The following ANKS1B variants were observed in gnomAD, a reference collection of about 807,000 sequenced individuals.
ANKS1B encodes the protein ankyrin repeat and sterile alpha motif domain containing 1B.
ANKS1B carries 36 observed loss-of-function variants against 148.3 expected under a neutral mutation model. The observed-to-expected ratio is 0.24, with a 90% confidence interval of 0.19 to 0.32. The LOEUF (loss-of-function observed/expected upper bound fraction) is 0.32. Among genes scored for constraint, ANKS1B ranks in the 10% least tolerant of loss-of-function variants. The pLI is 1.00. For synonymous variants in ANKS1B, 542 were observed against 560.8 expected, an observed-to-expected ratio of 0.97 and a Z score of 0.47; for missense variants, 1,157 against 1,542.6, an observed-to-expected ratio of 0.75 and a Z score of 4.19.
At position 99,052,542 on chromosome 12, in the gene ANKS1B, A is replaced by C. The variant is rs2099966817; in HGVS notation, c.2778+615T>G. 1.2e-4 allele frequency among the ~76,000 whole-genome samples: 18 copies of C among 148,046 alleles called. 2 individuals are homozygous for C. In the South Asian group the frequency reaches 4.3e-3, roughly 35 times the overall value. ...GGAGATCGAGACCATCCTGGCTAAC[A>C]AGGTGAAACCCCGTCTCTACTAAAA... On this transcript the variant is annotated intron_variant, in intron 17 of 26. Transcript: ENST00000683438.
chr12:99,420,417 A>G (rs1363030942), intron 11 of ANKS1B, among the ~76,000 whole-genome samples: 1 of 152,206 alleles, frequency 6.6e-6, no homozygotes, highest in African/African-American at 2.4e-5. Context: ...GAATAAATTT[A>G]AGATGGTGTG....
chr12:99,311,483 A>T (rs1463032739), intron 12 of ANKS1B, among the ~76,000 whole-genome samples: 2 of 152,192 alleles, frequency 1.3e-5, no homozygotes, highest in African/African-American at 2.4e-5. Flanking sequence ...CCTTCTGGGT[A>T]TGAAGAGAGA....
Position 99,612,277 on chromosome 12 carries a change from C to T in ANKS1B, c.1272+42790G>A, listed in dbSNP as rs80338261. Among the ~76,000 whole-genome samples, 545 of 152,204 alleles carry T rather than the reference C, an allele frequency of 3.6e-3. 5 individuals carry two copies. The highest frequency in any genetic ancestry group is 0.012 in the African/African-American group (513 of 41,540). The stretch of plus-strand genomic sequence containing the variant: ...AGTTTTTATTTGACATAGTGTCACA[C>T]AAAAGTGATCTATGATGTCTTCAAT... On this transcript the variant is annotated intron_variant, in intron 9 of 26. Transcript: ENST00000683438.
At chr12:98,741,647 C>T (rs1340818159), downstream of ANKS1B, among the ~76,000 whole-genome samples, 2 of 152,216 alleles carry the variant, frequency 1.3e-5, no homozygotes, top group African/African-American at 4.8e-5. Flanking sequence ...CTCAAACCCA[C>T]ACCCCAGAAA....
chr12:99,631,748 CT>C (rs2098163243), intron 9 of ANKS1B, among the ~76,000 whole-genome samples: 1 of 152,062 alleles, frequency 6.6e-6, no homozygotes, highest in South Asian at 2.1e-4. Flanking sequence ...TGCATGGTTA[CT>C]TTTGGCTGCT....
intron 17 of ANKS1B, among the ~76,000 whole-genome samples, chr12:98,877,610 C>G (rs1417394772): frequency 6.6e-6 from 1 of 152,158 alleles, no homozygotes; most frequent in Admixed American, 6.5e-5. Flanking sequence ...GGTTTACTGT[C>G]TCATTGTGTT....
At chr12:99,100,924 T>C (rs2057771479) in intron 15 of ANKS1B, among the ~76,000 whole-genome samples, 1 of 152,124 alleles carries the variant, frequency 6.6e-6, no homozygotes, top group Non-Finnish European at 1.5e-5. Context: ...GGAAAGACAT[T>C]TTGGGAAGCG....
At chr12:99,193,646 A>T (rs1004209693) in intron 14 of ANKS1B, among the ~76,000 whole-genome samples, 1 of 152,024 alleles carries the variant, frequency 6.6e-6, no homozygotes, top group South Asian at 2.1e-4. Context: ...TGGGTGAGGA[A>T]AAGATACTTC....
intron 17 of ANKS1B, among the ~76,000 whole-genome samples, chr12:98,933,625 G>A (rs2099815751): frequency 6.6e-6 from 1 of 151,908 alleles, no homozygotes. Flanking sequence ...CAACAGTGTG[G>A]AGCGGTCTCA....
At chr12:99,299,709 C>T (rs2154019518) in intron 12 of ANKS1B, among the ~76,000 whole-genome samples, 1 of 152,288 alleles carries the variant, frequency 6.6e-6, no homozygotes, top group African/African-American at 2.4e-5. Context: ...TAGGACATAT[C>T]TATATGCATA....
intron 17 of ANKS1B, among the ~76,000 whole-genome samples, chr12:98,941,801 T>C (rs2099837222): frequency 6.6e-6 from 1 of 152,184 alleles, no homozygotes; most frequent in South Asian, 2.1e-4. Flanking sequence ...TTTCTTTTAT[T>C]AGGAAATGGC....
In ANKS1B at chr12:99,957,750, C is replaced by G. The variant is rs547074036; in HGVS notation, c.134+26354G>C. Among the ~76,000 whole-genome samples, 3 of 152,310 alleles carry G rather than the reference C, an allele frequency of 2.0e-5. No homozygotes were observed. In the East Asian group the frequency reaches 5.8e-4, roughly 29 times the overall value. ...CAAATATATCATATTTAATTGTTCTCAGCACTGGCATTGCTAACCAAGACT... is the reference window on the plus strand; with the variant it reads ...CAAATATATCATATTTAATTGTTCTGAGCACTGGCATTGCTAACCAAGACT... On this transcript the variant is annotated intron_variant, in intron 1 of 26. Coordinates refer to ENST00000683438, the MANE Select transcript of ANKS1B (RefSeq NM_001352186.2).
intron 25 of ANKS1B, among the ~76,000 whole-genome samples, chr12:98,759,048 T>C (rs539436285): frequency 4.8e-4 from 73 of 152,010 alleles, no homozygotes; most frequent in Non-Finnish European, 9.1e-4. Flanking sequence ...CCCAAAGTGC[T>C]AGAATTATAG....
In ANKS1B at chr12:99,525,792, G is replaced by C. The variant is rs377273812; in HGVS notation, c.1273-21151C>G. ...AACTTTTGACCAGAAGCTACAACCA[G>C]ACACATAACCAAGGTTGTACAGAAA... On this transcript the variant is annotated intron_variant, in intron 9 of 26. Transcript: ENST00000683438. Among the ~76,000 whole-genome samples the C allele has an allele frequency of 1.4e-4, 22 of 152,080 alleles. 1 individual carries two copies. In the East Asian group the frequency reaches 4.1e-3, roughly 28 times the overall value.
At position 98,745,496 on chromosome 12, in the gene ANKS1B, G is replaced by T; in HGVS notation, c.*243C>A. The T allele has an allele frequency of 8.4e-7, 1 of 1,189,838 alleles. No individual in the cohort carries two copies. The highest frequency in any genetic ancestry group is 2.5e-5 in the South Asian group (1 of 39,468). 73.7% of individuals were successfully genotyped at this position (1,189,838 alleles called of 1,614,324 possible). A position where few individuals can be genotyped will look rare whatever the true frequency, so the allele number is the denominator to read the frequency against. On this transcript the variant is annotated 3_prime_UTR_variant, in exon 27 of 27. Transcript: ENST00000683438. ...GAGGTGGTGGGGAGGGGAGTCGGGA[G>T]CATCAGGGAAAACCCATCTCAACTC... is the stretch of plus-strand genomic sequence containing the variant.
intron 8 of ANKS1B, among the ~76,000 whole-genome samples, chr12:99,656,853 A>C (rs2098452098): frequency 6.6e-6 from 1 of 152,236 alleles, no homozygotes; most frequent in Admixed American, 6.5e-5. Context: ...GATCATGATT[A>C]CTAAAGCAAG....
intron 17 of ANKS1B, among the ~76,000 whole-genome samples, chr12:98,986,537 T>G (rs2099923489): frequency 6.6e-6 from 1 of 152,142 alleles, no homozygotes. Flanking sequence ...GCATTCCCAT[T>G]GGACTTTTAA....
At chr12:99,964,857 A>G (rs2095465626) in intron 1 of ANKS1B, among the ~76,000 whole-genome samples, 1 of 152,190 alleles carries the variant, frequency 6.6e-6, no homozygotes, top group South Asian at 2.1e-4. Context: ...GACAGAGCCT[A>G]AGAGGGAAAA....
At chr12:98,906,530 C>G (rs1344498410) in intron 17 of ANKS1B, among the ~76,000 whole-genome samples, 3 of 152,196 alleles carry the variant, frequency 2.0e-5, no homozygotes, top group Admixed American at 2.0e-4. Context: ...GTCCGTGTCT[C>G]TGCCTTGGCA....
Sources: gnomAD v4.1 joint callset for allele counts (sites outside exome capture counted in the v4.1 genomes callset) on GRCh38, gnomAD v4.1.1 for gene constraint, MANE v1.5 for transcripts, NCBI Gene and HGNC (gene_info 2026-07-23, HGNC 2026-07-21) for gene names.